The following PCDHGB5 variants were observed in gnomAD, a reference collection of about 807,000 sequenced individuals.
PCDHGB5 encodes protocadherin gamma-B5.
PCDHGB5 carries 48 observed loss-of-function variants against 62.9 expected under a neutral mutation model. That is an observed-to-expected ratio of 0.76 (90% CI 0.61 to 0.97). The LOEUF is 0.97. Among genes scored for constraint, PCDHGB5 ranks in the 50% least tolerant of loss-of-function variants. PCDHGB5 has a pLI of 0.00. For missense variants in PCDHGB5, 1,118 were observed against 1,198.6 expected (o/e 0.93, Z 0.99); for synonymous variants, 474 against 511.2 (o/e 0.93, Z 0.98).
chr5:141,415,533 G>A (rs749139053), intron 1 of PCDHGB5: 11 of 1,614,198 alleles, frequency 6.8e-6, no homozygotes, highest in Non-Finnish European at 6.8e-6. Flanking sequence ...TCATCAGCCA[G>A]GAGAGCTGTG....
intron 1 of PCDHGB5, chr5:141,416,850 T>C (rs2096064812): frequency 6.6e-6 from 1 of 151,902 alleles, no homozygotes; most frequent in South Asian, 2.1e-4. Flanking sequence ...AATTCCATGA[T>C]TTTTTTCAGG....
At chr5:141,422,745 C>G (rs1380262961) in intron 1 of PCDHGB5, 15 of 1,610,564 alleles carry the variant, frequency 9.3e-6, no homozygotes, top group Non-Finnish European at 1.3e-5. Flanking sequence ...CCTCCTATGT[C>G]TCTATTAACT....
chr5:141,437,094 G>A (rs1183502010), intron 1 of PCDHGB5, among the ~76,000 whole-genome samples: 3 of 152,126 alleles, frequency 2.0e-5, no homozygotes, highest in African/African-American at 4.8e-5. Context: ...TGAAACTAAC[G>A]GCTTAGCTTT....
rs757755103 is a variant in PCDHGB5 at position 141,432,638 on chromosome 5, C to T, written c.2397+32114C>T. 1.2e-6 allele frequency: 2 copies of T among 1,613,810 alleles called. No homozygotes were observed. Among genetic ancestry groups the T allele is most frequent in the Non-Finnish European group, 8.5e-7 (1 of 1,179,930 alleles). ...GGTGGGTCTGCACACGGGCGAGGTG[C>T]GCACGGCGCGAGCCCTGCTGGACAG... is the stretch of plus-strand genomic sequence containing the variant. On this transcript the variant is annotated intron_variant, in intron 1 of 3. Transcript: ENST00000617380. The surrounding 1 kb of genome is among the most constrained non-coding windows in gnomAD (Gnocchi z 6.0).
In PCDHGB5 at chr5:141,432,358, G is replaced by A. The variant is rs750696244; in HGVS notation, c.2397+31834G>A. ...TCCGAGACTTGCAAGTGAAAGTGAT[G>A]GCGCGGGACAACGGGCACCCGCCCC... On this transcript the variant is annotated intron_variant, in intron 1 of 3. Transcript: ENST00000617380. This position sits in a 1 kb window ranked among gnomAD's most constrained non-coding sequence, Gnocchi z 6.0. The A allele has an allele frequency of 6.2e-7, 1 of 1,614,122 alleles. No homozygotes were observed. The highest frequency in any genetic ancestry group is 8.5e-7 in the Non-Finnish European group (1 of 1,180,060).
At chr5:141,428,882 T>C in intron 1 of PCDHGB5, 1 of 151,216 alleles carries the variant, frequency 6.6e-6, no homozygotes, top group African/African-American at 2.4e-5. Context: ...TTGGACGGAG[T>C]CTCGCTCTGT....
At chr5:141,464,312 C>T (rs2099081610) in intron 1 of PCDHGB5, among the ~76,000 whole-genome samples, 1 of 149,056 alleles carries the variant, frequency 6.7e-6, no homozygotes, top group South Asian at 2.1e-4. Flanking sequence ...GTGCACATAT[C>T]ATTATCTGTT....
intron 1 of PCDHGB5, among the ~76,000 whole-genome samples, chr5:141,438,678 G>C (rs2098050264): frequency 7.1e-6 from 1 of 140,560 alleles, no homozygotes; most frequent in African/African-American, 2.6e-5. Context: ...ATTTGGAGTA[G>C]GGGATGGAGT....
intron 3 of PCDHGB5, among the ~76,000 whole-genome samples, chr5:141,510,117 T>C (rs1205620535): frequency 6.6e-6 from 1 of 151,908 alleles, no homozygotes; most frequent in East Asian, 1.9e-4. Context: ...TGTTTTGAAA[T>C]ACAAAAATTA....
Position 141,400,386 on chromosome 5 carries a change from A to G in PCDHGB5, c.2259A>G (p.Ala753=), listed in dbSNP as rs766907172. The G allele has an allele frequency of 5.0e-6, 8 of 1,614,040 alleles. No homozygotes were observed. The highest frequency in any genetic ancestry group is 5.1e-6 in the Non-Finnish European group (6 of 1,179,896). The change falls in exon 1 of 4, where the codon GCA becomes GCG. Residue 753 remains alanine (A), a synonymous_variant. Transcript: ENST00000617380. The part of the protein sequence containing the change: ...TLPYSYNLCV[A]HTGKTEFNFL... ...CTTATTCCTACAACCTATGTGTTGC[A>G]CATACAGGAAAGACGGAGTTTAATT...
chr5:141,474,703 C>A (rs2099353282), intron 1 of PCDHGB5, among the ~76,000 whole-genome samples: 1 of 152,188 alleles, frequency 6.6e-6, no homozygotes, highest in African/African-American at 2.4e-5. Flanking sequence ...GTTCAAGGTT[C>A]TATTATACTT....
chr5:141,408,469 A>G (rs1454570616), intron 1 of PCDHGB5: 2 of 1,614,078 alleles, frequency 1.2e-6, no homozygotes, highest in South Asian at 2.2e-5. Flanking sequence ...TGAAGAACCG[A>G]ATAGACCGTG....
intron 1 of PCDHGB5, chr5:141,433,069 C>T (rs561950316): frequency 2.5e-6 from 4 of 1,614,080 alleles, no homozygotes; most frequent in African/African-American, 1.3e-5. Context: ...ACCTGATCTT[C>T]CCCCAGCCCA....
At position 141,485,729 on chromosome 5, in the gene PCDHGB5, A is replaced by G. The variant is rs2099618322; in HGVS notation, c.2398-9078A>G. 6.2e-7 allele frequency: 1 copy of G among 1,614,092 alleles called. No individual in the cohort carries two copies. The highest frequency in any genetic ancestry group is 1.1e-5 in the South Asian group (1 of 91,094). ...CTTTGCACTGGATGTGAAGAAGCGCAGCGACGGCAGCCTGGTCCCAGAGCT... is the reference window on the plus strand; with the variant it reads ...CTTTGCACTGGATGTGAAGAAGCGCGGCGACGGCAGCCTGGTCCCAGAGCT... On this transcript the variant is annotated intron_variant, in intron 1 of 3. Coordinates refer to ENST00000617380, the MANE Select transcript of PCDHGB5 (RefSeq NM_018925.3). This position sits in a 1 kb window ranked among gnomAD's most constrained non-coding sequence, Gnocchi z 5.7.
intron 1 of PCDHGB5, chr5:141,405,012 C>T (rs748403581): frequency 1.2e-6 from 2 of 1,614,018 alleles, no homozygotes; most frequent in Non-Finnish European, 8.5e-7. Context: ...CTGGAGGCCT[C>T]AGACCTTACC....
Position 141,399,776 on chromosome 5 carries a change from A to T in PCDHGB5, c.1649A>T (p.Asp550Val). 6.2e-7 allele frequency: 1 copy of T among 1,613,218 alleles called. No individual in the cohort carries two copies. The highest frequency in any genetic ancestry group is 1.3e-5 in the African/African-American group (1 of 75,038). ...GTGAGCCTGCGCGTGTTGGTGGGCGACCGAAACGACAACGCACCGCGGGTG... is the reference window on the plus strand; with the variant it reads ...GTGAGCCTGCGCGTGTTGGTGGGCGTCCGAAACGACAACGCACCGCGGGTG... ...ANVSLRVLVG[D>V]RNDNAPRVLY... The change falls in exon 1 of 4, where the codon GAC (aspartate) becomes GTC (valine). Residue 550 changes from aspartate (D) to valine (V), a missense_variant. By Grantham distance (152) the Asp-to-Val change is radical. Around this residue, in one of 2 missense-constraint regions of PCDHGB5, gnomAD observed 1,034 missense variants for 1,029.1 expected, o/e 1.00. Transcript: ENST00000617380.
At chr5:141,455,755 T>C (rs1283272521) in intron 1 of PCDHGB5, among the ~76,000 whole-genome samples, 1 of 152,150 alleles carries the variant, frequency 6.6e-6, no homozygotes, top group Non-Finnish European at 1.5e-5. Flanking sequence ...CTGGCCTGGC[T>C]CCTAGAGCCG....
intron 1 of PCDHGB5, chr5:141,410,107 G>A: frequency 3.1e-6 from 5 of 1,612,702 alleles, no homozygotes; most frequent in Non-Finnish European, 4.2e-6. Flanking sequence ...TAGGCGACAG[G>A]GACGCAGCCC....
intron 1 of PCDHGB5, chr5:141,427,690 T>TC (rs1331581287): frequency 2.3e-6 from 2 of 881,240 alleles, no homozygotes; most frequent in Non-Finnish European, 3.7e-6. Context: ...GGAGCCTCCA[T>TC]CCCACAAGTC....
Sources: allele counts gnomAD v4.1 joint callset (sites outside exome capture counted in the v4.1 genomes callset), GRCh38; gene constraint gnomAD v4.1.1; regional missense constraint gnomAD v4.1.1; non-coding constraint Gnocchi (gnomAD v3.1); transcripts MANE v1.5; gene names NCBI Gene and HGNC (gene_info 2026-07-23, HGNC 2026-07-21).